PYGL: variants seen among roughly 807,000 people sequenced by gnomAD.
PYGL encodes the protein glycogen phosphorylase, liver form.
PYGL carries 90 observed loss-of-function variants against 100.1 expected under a neutral mutation model. The observed-to-expected ratio is 0.90, with a 90% CI of 0.76 to 1.07. The LOEUF is 1.07. Ranked by LOEUF, PYGL falls within the 50% of genes least tolerant of loss-of-function variation. The pLI, the probability that PYGL is intolerant of heterozygous loss-of-function variation, is 0.00. For missense variants in PYGL, 1,016 were observed against 1,057.6 expected (o/e 0.96, Z 0.55); for synonymous variants, 373 against 393.0 (o/e 0.95, Z 0.60).
chr14:50,921,878 CTCATA>C (rs2050506161), intron 5 of PYGL, among the ~76,000 whole-genome samples: 1 of 152,148 alleles, frequency 6.6e-6, no homozygotes, highest in Admixed American at 6.5e-5. Context: ...GCTATAACAT[CTCATA>C]TAATATTTAA....
At chr14:50,928,640 A>AGTT (rs1566509778) in intron 4 of PYGL, among the ~76,000 whole-genome samples, 4 of 134,348 alleles carry the variant, frequency 3.0e-5, no homozygotes, top group Admixed American at 1.7e-4. Flanking sequence ...TTAGCAACAC[A>AGTT]ATTTCAGGGG....
At chr14:50,938,298 C>T (rs971978221) in intron 1 of PYGL, among the ~76,000 whole-genome samples, 4 of 152,164 alleles carry the variant, frequency 2.6e-5, no homozygotes, top group African/African-American at 9.7e-5. Context: ...GCAACCTCTA[C>T]CTCCTGGGTT....
Position 50,939,490 on chromosome 14 carries a change from A to G in PYGL, c.244-1653T>C, listed in dbSNP as rs563473561. On this transcript the variant is annotated intron_variant, in intron 1 of 19. Transcript: ENST00000216392. ...GACATTATTTGCCTTTGACATGGTA[A>G]AAGTCAGGCAAATATCATCAGAGTT... Among the ~76,000 whole-genome samples, 3 of 152,316 alleles carry G rather than the reference A, an allele frequency of 2.0e-5. No homozygotes were observed. The South Asian group carries it at 6.2e-4, about 32-fold the overall frequency.
intron 6 of PYGL, 94 bp downstream of exon 6, chr14:50,920,862 C>A (rs2050493527): frequency 7.6e-7 from 1 of 1,319,286 alleles, no homozygotes; most frequent in Non-Finnish European, 1.1e-6. Flanking sequence ...AAACTCAAGG[C>A]TTTTTTGTTT....
chr14:50,921,278 T>C, intron 5 of PYGL: 1 of 577,208 alleles, frequency 1.7e-6, no homozygotes, highest in Admixed American at 3.0e-5. Context: ...ATCTAGTGAC[T>C]GAAACCATCC....
intron 4 of PYGL, among the ~76,000 whole-genome samples, chr14:50,929,296 A>G (rs965167042): frequency 4.0e-5 from 6 of 151,876 alleles, no homozygotes; most frequent in African/African-American, 1.5e-4. Flanking sequence ...CAAATGATCC[A>G]CCCACCTCGG....
In PYGL at chr14:50,916,687, C is replaced by T; in HGVS notation, c.1047G>A (p.Glu349=). ...CAATATCCACAAAAATCCTCATCAG[C>T]TCAGGGATCGCGAGTGCAGGGTGAG... ...NDTHPALAIP[E]LMRIFVDIEK... Residue 349 remains glutamate, a synonymous_variant, in exon 9 of 20, where the codon GAG becomes GAA. Transcript: ENST00000216392. 4.3e-6 allele frequency: 7 copies of T among 1,614,228 alleles called. No homozygotes were observed. Among genetic ancestry groups the T allele is most frequent in the Non-Finnish European group, 5.9e-6 (7 of 1,180,024 alleles).
At chr14:50,934,370 C>G (rs1213094742) in intron 3 of PYGL, among the ~76,000 whole-genome samples, 1 of 152,068 alleles carries the variant, frequency 6.6e-6, no homozygotes, top group Admixed American at 6.6e-5. Context: ...AATAAAACAA[C>G]AGCAACTTAA....
chr14:50,910,462 T>C (rs1019535176), intron 16 of PYGL, among the ~76,000 whole-genome samples: 2 of 152,146 alleles, frequency 1.3e-5, no homozygotes, highest in African/African-American at 2.4e-5. Flanking sequence ...TCTTTTTTTC[T>C]TTCTCTTTTT....
At chr14:50,927,695 A>G (rs1278737451) in intron 4 of PYGL, among the ~76,000 whole-genome samples, 1 of 152,246 alleles carries the variant, frequency 6.6e-6, no homozygotes, top group Non-Finnish European at 1.5e-5. Flanking sequence ...CGCTGATTCA[A>G]TAAAGAATTG....
chr14:50,937,562 C>T (rs1429715329), intron 2 of PYGL, among the ~76,000 whole-genome samples, 174 bp downstream of exon 2: 1 of 152,190 alleles, frequency 6.6e-6, no homozygotes, highest in Non-Finnish European at 1.5e-5. Flanking sequence ...GGTTGTTCCT[C>T]TTAAATGAGA....
chr14:50,915,695 C>T, intron 10 of PYGL, 130 bp downstream of exon 10: 1 of 1,433,658 alleles, frequency 7.0e-7, no homozygotes, highest in Non-Finnish European at 9.5e-7. Context: ...TGTTGGAGCC[C>T]CGTTCGGACT....
intron 3 of PYGL, among the ~76,000 whole-genome samples, chr14:50,932,809 T>C (rs931354489): frequency 6.6e-6 from 1 of 152,078 alleles, no homozygotes; most frequent in Admixed American, 6.5e-5. Context: ...AAGTGTACAG[T>C]AGGAATTAAA....
chr14:50,923,581 C>T (rs961143901), intron 5 of PYGL: 5 of 198,070 alleles, frequency 2.5e-5, no homozygotes, highest in African/African-American at 9.6e-5. Flanking sequence ...AGCCACTGCA[C>T]CCAGCCAGGA....
chr14:50,921,398 C>CTT, intron 5 of PYGL: 113 of 201,996 alleles, frequency 5.6e-4, no homozygotes, highest in East Asian at 2.2e-3. Context: ...AAAAGTTTAT[C>CTT]TTTTTTTTTT....
chr14:50,943,222 C>G (rs777788197), intron 1 of PYGL, among the ~76,000 whole-genome samples: 8 of 152,162 alleles, frequency 5.3e-5, no homozygotes, highest in Non-Finnish European at 1.2e-4. Context: ...CCAGTTTCCT[C>G]TCCCAATACA....
In PYGL at chr14:50,905,245, T is replaced by C; in HGVS notation, c.*147A>G. 1.2e-6 allele frequency: 1 copy of C among 811,094 alleles called. No individual in the cohort carries two copies. The highest frequency in any genetic ancestry group is 2.7e-5 in the East Asian group (1 of 37,592). The allele number at this position is 811,094 out of a possible 1,614,324, so 50.2% of individuals were successfully genotyped here. ...CCCTTGGAAATTGACACTTTATTTT[T>C]AAGCTCTATTACATATAATTTCCCT... On this transcript the variant is annotated 3_prime_UTR_variant, in exon 20 of 20. Coordinates refer to ENST00000216392, the MANE Select transcript of PYGL (RefSeq NM_002863.5).
At chr14:50,943,313 C>T (rs1367244657) in intron 1 of PYGL, among the ~76,000 whole-genome samples, 1 of 152,204 alleles carries the variant, frequency 6.6e-6, no homozygotes, top group East Asian at 1.9e-4. Context: ...CACTGCCTCT[C>T]GCCCTCTTCG....
At chr14:50,912,974 A>T in intron 13 of PYGL, 55 bp downstream of exon 13, 1 of 1,517,918 alleles carries the variant, frequency 6.6e-7, no homozygotes, top group Non-Finnish European at 9.1e-7. Context: ...CAAAAACTAC[A>T]GGATAAACTC....
Sources: allele counts gnomAD v4.1 joint callset (sites outside exome capture counted in the v4.1 genomes callset), GRCh38; gene constraint gnomAD v4.1.1; transcripts MANE v1.5; gene names NCBI Gene and HGNC (gene_info 2026-07-23, HGNC 2026-07-21).